HTR6: variants seen among roughly 807,000 people sequenced by gnomAD.
The protein encoded by HTR6 is 5-hydroxytryptamine (serotonin) receptor 6, G protein-coupled.
A neutral mutation model predicts 17.4 loss-of-function variants in HTR6; 15 were observed. The observed-to-expected ratio is 0.86, with a 90% CI of 0.58 to 1.33. The LOEUF (loss-of-function observed/expected upper bound fraction) is 1.33, where lower values mean the gene tolerates loss of function less well. Among genes scored for constraint, HTR6 ranks in the 40% most tolerant of loss-of-function variants. The pLI, the probability that HTR6 is intolerant of heterozygous loss-of-function variation, is 0.00. For synonymous variants in HTR6, 326 were observed against 295.5 expected, an observed-to-expected ratio of 1.10 and a Z score of -1.06; for missense variants, 578 against 616.0, an observed-to-expected ratio of 0.94 and a Z score of 0.65.
chr1:19,667,584 T>C (rs2095083186), intron 1 of HTR6, among the ~76,000 whole-genome samples: 1 of 152,100 alleles, frequency 6.6e-6, no homozygotes. Flanking sequence ...CCAGGCTAAC[T>C]TTTGTATTTT....
rs375487334 is a variant in HTR6, at chr1:19,679,389, A to T, written c.*21A>T. The T allele has an allele frequency of 1.3e-6, 2 of 1,554,000 alleles. No homozygotes were observed. Among genetic ancestry groups the T allele is most frequent in the Non-Finnish European group, 1.7e-6 (2 of 1,147,808 alleles). ...ACTGACCCGGGCTTGGGGCTGGCCAATGGGGAGCTGGATTGAGCAGAACCC... is the reference window on the plus strand; with the variant it reads ...ACTGACCCGGGCTTGGGGCTGGCCATTGGGGAGCTGGATTGAGCAGAACCC... On this transcript the variant is annotated 3_prime_UTR_variant, in exon 3 of 3. Transcript: ENST00000289753. The surrounding 1 kb of genome is among the most constrained non-coding windows in gnomAD (Gnocchi z 4.9).
At chr1:19,677,753 G>C (rs1055619302) in intron 1 of HTR6, among the ~76,000 whole-genome samples, 8 of 152,198 alleles carry the variant, frequency 5.3e-5, no homozygotes, top group African/African-American at 1.9e-4. Flanking sequence ...GTGTGTCTGT[G>C]TGTGTGACAG....
At position 19,665,725 on chromosome 1, in the gene HTR6, C is replaced by T. The variant is rs754891451; in HGVS notation, c.-29C>T. ...CTCATCTGCTTTCCCGCCACCCTAT[C>T]ACTCCCTTGCCGTCCACCCTCGGTC... On this transcript the variant is annotated 5_prime_UTR_variant, in exon 1 of 3. Coordinates refer to ENST00000289753, the MANE Select transcript of HTR6 (RefSeq NM_000871.3). The surrounding 1 kb of genome is among the most constrained non-coding windows in gnomAD (Gnocchi z 4.2). 2.9e-6 allele frequency: 4 copies of T among 1,385,954 alleles called. No homozygotes were observed. The highest frequency in any genetic ancestry group is 3.1e-5 in the South Asian group (2 of 65,176). The allele number at this position is 1,385,954 out of a possible 1,614,324, so 85.9% of individuals were successfully genotyped here. A position where few individuals can be genotyped will look rare whatever the true frequency, so the allele number is the denominator to read the frequency against.
At position 19,679,549 on chromosome 1, in the gene HTR6, A is replaced by G. The variant is rs2095099130; in HGVS notation, c.*181A>G. 1.2e-6 allele frequency: 1 copy of G among 828,884 alleles called. No individual in the cohort carries two copies. Among genetic ancestry groups the G allele is most frequent in the South Asian group, 2.1e-5 (1 of 48,432 alleles). 51.3% of individuals were successfully genotyped at this position (828,884 alleles called of 1,614,324 possible). ...TCCAGGCCCCTTACCTGCAGGGATC[A>G]TAGCTGACTCAGATATCGTGTTCTG... On this transcript the variant is annotated 3_prime_UTR_variant, in exon 3 of 3. Transcript: ENST00000289753. This position sits in a 1 kb window ranked among gnomAD's most constrained non-coding sequence, Gnocchi z 4.9.
intron 1 of HTR6, among the ~76,000 whole-genome samples, chr1:19,669,915 C>T (rs1191339516): frequency 1.3e-5 from 2 of 152,008 alleles, no homozygotes; most frequent in Non-Finnish European, 1.5e-5. Flanking sequence ...GGATTACAGG[C>T]GTGAGCCACT....
intron 2 of HTR6, 33 bp downstream of exon 2, chr1:19,678,758 C>A (rs1335169733): frequency 1.9e-6 from 3 of 1,590,754 alleles, no homozygotes; most frequent in Middle Eastern, 1.7e-4. Context: ...GTGAGTCCGG[C>A]CCTTGCAGGA....
chr1:19,673,685 C>G lies in HTR6; in HGVS notation c.715-4882C>G, dbSNP rs187278663. On this transcript the variant is annotated intron_variant, in intron 1 of 2. Coordinates refer to ENST00000289753, the MANE Select transcript of HTR6 (RefSeq NM_000871.3). ...TGCACTCCAGCCTGGGCAACAAGAG[C>G]GAGACTTCGTCTCAAAAAATAAATA... Among the ~76,000 whole-genome samples, 593 of 152,054 alleles carry G rather than the reference C, an allele frequency of 3.9e-3. 2 individuals carry two copies. The highest frequency in any genetic ancestry group is 0.014 in the African/African-American group (569 of 41,450).
At chr1:19,677,670 C>A (rs990373450) in intron 1 of HTR6, among the ~76,000 whole-genome samples, 1 of 152,236 alleles carries the variant, frequency 6.6e-6, no homozygotes, top group African/African-American at 2.4e-5. Context: ...AATCCACATA[C>A]AAAGCAATTG....
At position 19,679,266 on chromosome 1, in the gene HTR6, C is replaced by A. The variant is rs748731706; in HGVS notation, c.1221C>A (p.Asp407Glu). 1 of 1,601,628 alleles carries A rather than the reference C, an allele frequency of 6.2e-7. No homozygotes were observed. Among genetic ancestry groups the A allele is most frequent in the Non-Finnish European group, 8.5e-7 (1 of 1,176,030 alleles). ...TGCTTCCTGGCGAGGCCACCCAGGA[C>A]CCCCCGCTGCCCACCAGGGCCGCTG... ...QLLLPGEATQ[D>E]PPLPTRAAAA... The change falls in exon 3 of 3, where the codon GAC becomes GAA. Residue 407 changes from aspartate (D) to glutamate (E), a missense_variant. Physicochemically the swap from Asp to Glu is conservative, Grantham distance 45 (BLOSUM62 2). Transcript: ENST00000289753. This position sits in a 1 kb window ranked among gnomAD's most constrained non-coding sequence, Gnocchi z 4.9.
At chr1:19,676,804 C>A (rs544691133) in intron 1 of HTR6, among the ~76,000 whole-genome samples, 1 of 152,320 alleles carries the variant, frequency 6.6e-6, no homozygotes, top group South Asian at 2.1e-4. Flanking sequence ...ATATCCAACC[C>A]ACCTCTGGCC....
chr1:19,678,743 G>A lies in HTR6; in HGVS notation c.873+18G>A. 1 of 1,600,882 alleles carries A rather than the reference G, an allele frequency of 6.2e-7. No individual in the cohort carries two copies. Among genetic ancestry groups the A allele is most frequent in the Non-Finnish European group, 8.5e-7 (1 of 1,170,118 alleles). On this transcript the variant is annotated intron_variant, in intron 2 of 2. Coordinates refer to ENST00000289753, the MANE Select transcript of HTR6 (RefSeq NM_000871.3). ...TAGTCCAGGTAATGCCACGGCAGGGGGCAGGTGAGTCCGGCCCTTGCAGGA... is the reference window on the plus strand; with the variant it reads ...TAGTCCAGGTAATGCCACGGCAGGGAGCAGGTGAGTCCGGCCCTTGCAGGA...
At chr1:19,673,475 G>A (rs147205838) in intron 1 of HTR6, among the ~76,000 whole-genome samples, 1,580 of 152,304 alleles carry the variant, frequency 0.01, 17 homozygotes, top group South Asian at 0.029. Context: ...TTGGGAGGCC[G>A]AGGTGGGTGG....
intron 1 of HTR6, among the ~76,000 whole-genome samples, chr1:19,676,961 C>T (rs1024130219): frequency 6.6e-6 from 1 of 152,182 alleles, no homozygotes; most frequent in Non-Finnish European, 1.5e-5. Context: ...ACACCACTGC[C>T]CACGGGCATT....
chr1:19,669,673 A>G (rs1222940832), intron 1 of HTR6, among the ~76,000 whole-genome samples: 3 of 152,106 alleles, frequency 2.0e-5, no homozygotes, highest in Non-Finnish European at 2.9e-5. Context: ...CAGTCCTCGG[A>G]GCATCTCGTC....
chr1:19,678,649 CCAG>C lies in HTR6; in HGVS notation c.799_801del (p.Ser267del). ...AAGCACAGCAGGAAGGCCCTGAAGGCCAGCCTGACGCTGGGCATCCTGCTGGGC... is the reference window on the plus strand; with the variant it reads ...AAGCACAGCAGGAAGGCCCTGAAGGCCCTGACGCTGGGCATCCTGCTGGGC... On this transcript the variant is annotated inframe_deletion, in exon 2 of 3. Transcript: ENST00000289753. 1 of 1,613,804 alleles carries C rather than the reference CCAG, an allele frequency of 6.2e-7. No homozygotes were observed. The highest frequency in any genetic ancestry group is 8.5e-7 in the Non-Finnish European group (1 of 1,179,986).
chr1:19,667,567 C>A (rs1326110520), intron 1 of HTR6, among the ~76,000 whole-genome samples: 4 of 152,152 alleles, frequency 2.6e-5, no homozygotes. Flanking sequence ...AGGCACCCAC[C>A]ACTATACCAG....
rs772266550 is a variant in HTR6 at position 19,666,273 on chromosome 1, C to T, written c.520C>T (p.Pro174Ser). The T allele has an allele frequency of 3.7e-6, 6 of 1,610,724 alleles. No individual in the cohort carries two copies. In the Admixed American group the frequency reaches 6.7e-5, roughly 18 times the overall value. Residue 174 changes from proline to serine, a missense_variant, in exon 1 of 3, where the codon CCA becomes TCA. Transcript: ENST00000289753. The surrounding 1 kb of genome is among the most constrained non-coding windows in gnomAD (Gnocchi z 4.5). ...CTGGCACGAGCTGGGCCACGCACGG[C>T]CACCCGTCCCTGGCCAGTGCCGCCT... ...LGWHELGHAR[P>S]PVPGQCRLLA...
intron 1 of HTR6, 79 bp from the exon 2 acceptor site, chr1:19,678,488 T>C (rs931984991): frequency 1.9e-5 from 29 of 1,542,754 alleles, no homozygotes; most frequent in Non-Finnish European, 2.5e-5. Context: ...GAATTAGGAT[T>C]GAAGCTCAGT....
At position 19,679,088 on chromosome 1, in the gene HTR6, T is replaced by C; in HGVS notation, c.1043T>C (p.Leu348Pro). 1 of 1,613,798 alleles carries C rather than the reference T, an allele frequency of 6.2e-7. No individual in the cohort carries two copies. The highest frequency in any genetic ancestry group is 8.5e-7 in the Non-Finnish European group (1 of 1,179,846). ...PRCPRERQASLASPSLRTSHS... is the reference protein window; with the variant it reads ...PRCPRERQASPASPSLRTSHS... ...TGTCCCCGGGAGCGCCAGGCCAGCC[T>C]GGCCTCGCCATCACTGCGCACCTCT... is the stretch of plus-strand genomic sequence containing the variant. The change falls in exon 3 of 3, where the codon CTG becomes CCG. Residue 348 changes from leucine (L) to proline (P), a missense_variant. Transcript: ENST00000289753. This position sits in a 1 kb window ranked among gnomAD's most constrained non-coding sequence, Gnocchi z 4.9.
Sources: allele counts gnomAD v4.1 joint callset (sites outside exome capture counted in the v4.1 genomes callset), GRCh38; gene constraint gnomAD v4.1.1; non-coding constraint Gnocchi (gnomAD v3.1); transcripts MANE v1.5; gene names NCBI Gene and HGNC (gene_info 2026-07-23, HGNC 2026-07-21).